CSNK1D: variants seen among roughly 807,000 people sequenced by gnomAD.
CSNK1D encodes the protein casein kinase I isoform delta.
Under a neutral mutation model 46.6 loss-of-function variants are expected in CSNK1D, and 16 were observed. That is an observed-to-expected ratio of 0.34 (90% CI 0.23 to 0.52). CSNK1D has a LOEUF of 0.52. CSNK1D is among the 20% of genes least tolerant of loss of function. The pLI is 0.95. For synonymous variants in CSNK1D, 276 were observed against 228.2 expected (o/e 1.21, Z -1.89); for missense variants, 398 against 578.4 (o/e 0.69, Z 3.20).
rs775170760 is a variant in CSNK1D at position 82,243,335 on chromosome 17, G to C, written c.*1446C>G. The C allele has an allele frequency of 7.1e-6, 7 of 985,392 alleles. No individual in the cohort carries two copies. In the African/African-American group the frequency reaches 1.0e-4, roughly 15 times the overall value. 61.0% of individuals were successfully genotyped at this position (985,392 alleles called of 1,614,324 possible). A position where few individuals can be genotyped will look rare whatever the true frequency, so the allele number is the denominator to read the frequency against. On this transcript the variant is annotated 3_prime_UTR_variant, in exon 9 of 9. Transcript: ENST00000314028. The stretch of plus-strand genomic sequence containing the variant: ...TCGTCCATCGTGATGGGGTCCAGCC[G>C]AAGTGCCCACGAACACAGACTGCCC...
At chr17:82,246,702 C>T (rs1415632900) in intron 8 of CSNK1D, 1 of 992,948 alleles carries the variant, frequency 1.0e-6, no homozygotes, top group Non-Finnish European at 1.2e-6. Flanking sequence ...GTCTTCCACC[C>T]ATCCACACCC....
chr17:82,270,943 G>A (rs1478900834), intron 1 of CSNK1D, among the ~76,000 whole-genome samples: 1 of 152,160 alleles, frequency 6.6e-6, no homozygotes, highest in African/African-American at 2.4e-5. Context: ...TGAGTGAGGA[G>A]ACAGCCTTCC....
At position 82,251,406 on chromosome 17, in the gene CSNK1D, G is replaced by A. The variant is rs56181605; in HGVS notation, c.858C>T (p.Tyr286=). The change falls in exon 6 of 9, where the codon TAC becomes TAT. Residue 286 remains tyrosine (Y), a synonymous_variant. Transcript: ENST00000314028. This position sits in a 1 kb window ranked among gnomAD's most constrained non-coding sequence, Gnocchi z 4.5. Reference sequence around the variant, plus strand: ...ATTTGAGCATGTTCCAGTCGAACACGTAGTCATAGGAGAAGCCCTGGCGAT... The same window carrying A: ...ATTTGAGCATGTTCCAGTCGAACACATAGTCATAGGAGAAGCCCTGGCGAT... ...LFHRQGFSYD[Y]VFDWNMLKFG... The A allele has an allele frequency of 0.012, 19,935 of 1,614,106 alleles. 173 individuals carry two copies. The highest frequency in any genetic ancestry group is 0.015 in the Middle Eastern group (91 of 6,060).
At chr17:82,271,335 G>A (rs2147231559) in intron 1 of CSNK1D, among the ~76,000 whole-genome samples, 1 of 152,304 alleles carries the variant, frequency 6.6e-6, no homozygotes, top group South Asian at 2.1e-4. Context: ...TTCCCAAAGT[G>A]CTGGGATTAC....
chr17:82,244,865 T>A, intron 8 of CSNK1D, 34 bp from the exon 9 acceptor site: 1 of 1,613,128 alleles, frequency 6.2e-7, no homozygotes, highest in South Asian at 1.1e-5. Flanking sequence ...AAGGTCAGCA[T>A]GGGGCTGGGG....
rs761851591 is a variant in CSNK1D at position 82,247,644 on chromosome 17, C to G, written c.1197+1231G>C. ...CGGGAACTGCTCACAGGAACTGATG[C>G]GCAAGTGCCAGGCTCGTGGAAAGAA... On this transcript the variant is annotated intron_variant, in intron 8 of 8. Coordinates refer to ENST00000314028, the MANE Select transcript of CSNK1D (RefSeq NM_001893.6). 6 of 985,436 alleles carry G rather than the reference C, an allele frequency of 6.1e-6. No individual in the cohort carries two copies. In the East Asian group the frequency reaches 5.7e-4, roughly 93 times the overall value. The allele number at this position is 985,436 out of a possible 1,614,324, so 61.0% of individuals were successfully genotyped here.
intron 2 of CSNK1D, among the ~76,000 whole-genome samples, chr17:82,260,137 T>C (rs1468854520): frequency 1.3e-5 from 2 of 148,626 alleles, no homozygotes; most frequent in Admixed American, 6.7e-5. Flanking sequence ...GATGGTGTAC[T>C]GAGTGATGTG....
intron 8 of CSNK1D, chr17:82,245,589 G>T: frequency 3.1e-6 from 1 of 323,372 alleles, no homozygotes; most frequent in Non-Finnish European, 6.0e-6. Flanking sequence ...GCAGGACACA[G>T]ACGCCCCTCC....
downstream of CSNK1D, among the ~76,000 whole-genome samples, chr17:82,242,174 C>A (rs1346677206): frequency 6.6e-6 from 1 of 151,112 alleles, no homozygotes; most frequent in Admixed American, 6.6e-5. Flanking sequence ...GCCTGACAGC[C>A]CCCGCAGGCC....
At chr17:82,265,623 G>A in intron 2 of CSNK1D, 63 bp downstream of exon 2, 2 of 1,282,156 alleles carry the variant, frequency 1.6e-6, no homozygotes, top group South Asian at 1.2e-5. Context: ...CAGCAATGCT[G>A]AGTTGCTGTT....
chr17:82,248,465 A>C lies in CSNK1D; in HGVS notation c.1197+410T>G. ...CCCGTGGAGGTCCCTACGGGCCTCC[A>C]TCCCTGGCCAGTGGCAAGAATGAGG... On this transcript the variant is annotated intron_variant, in intron 8 of 8. Coordinates refer to ENST00000314028, the MANE Select transcript of CSNK1D (RefSeq NM_001893.6). This position sits in a 1 kb window ranked among gnomAD's most constrained non-coding sequence, Gnocchi z 4.1. 9.4e-7 allele frequency: 1 copy of C among 1,068,052 alleles called. No individual in the cohort carries two copies. Among genetic ancestry groups the C allele is most frequent in the Non-Finnish European group, 1.1e-6 (1 of 877,392 alleles). The allele number at this position is 1,068,052 out of a possible 1,614,324, so 66.2% of individuals were successfully genotyped here. A position where few individuals can be genotyped will look rare whatever the true frequency, so the allele number is the denominator to read the frequency against.
intron 8 of CSNK1D, chr17:82,245,844 G>A: frequency 1.1e-6 from 1 of 914,202 alleles, no homozygotes; most frequent in Non-Finnish European, 1.7e-6. Flanking sequence ...GAAGAACAGA[G>A]CAGAAGAAGC....
intron 2 of CSNK1D, among the ~76,000 whole-genome samples, chr17:82,259,192 T>G (rs2051262018): frequency 6.6e-6 from 1 of 152,262 alleles, no homozygotes; most frequent in Non-Finnish European, 1.5e-5. Context: ...TCTTAAAATT[T>G]ACCCCAGATA....
rs761141909 is a variant in CSNK1D, at chr17:82,249,819, C to A, written c.886-217G>T. On this transcript the variant is annotated intron_variant, in intron 6 of 8. Coordinates refer to ENST00000314028, the MANE Select transcript of CSNK1D (RefSeq NM_001893.6). The surrounding 1 kb of genome is among the most constrained non-coding windows in gnomAD (Gnocchi z 6.7). ...CAGGCCTCTCAGCTCCCCCAACAAT[C>A]GAAAAAACCCCACTCGCCATGGCAT... The A allele has an allele frequency of 5.6e-6, 8 of 1,433,006 alleles. No homozygotes were observed. The Admixed American group carries it at 8.5e-5, about 15-fold the overall frequency. 88.8% of individuals were successfully genotyped at this position (1,433,006 alleles called of 1,614,324 possible).
chr17:82,242,992 T>G lies in CSNK1D; in HGVS notation c.*1789A>C. 1.0e-6 allele frequency: 1 copy of G among 985,318 alleles called. No homozygotes were observed. Among genetic ancestry groups the G allele is most frequent in the Non-Finnish European group, 1.2e-6 (1 of 829,910 alleles). 61.0% of individuals were successfully genotyped at this position (985,318 alleles called of 1,614,324 possible). A position where few individuals can be genotyped will look rare whatever the true frequency, so the allele number is the denominator to read the frequency against. ...GGCCACAGCGCGACGTCTCTCCGGG[T>G]GGGGGACGTCTACCTTCAAGAAGGG... On this transcript the variant is annotated 3_prime_UTR_variant, in exon 9 of 9. Transcript: ENST00000314028.
intron 2 of CSNK1D, among the ~76,000 whole-genome samples, chr17:82,262,097 T>C (rs1180198059): frequency 6.6e-6 from 1 of 152,280 alleles, no homozygotes; most frequent in East Asian, 1.9e-4. Context: ...ACTAGGTGTC[T>C]ATCCAAATCT....
chr17:82,251,104 C>T lies in CSNK1D; in HGVS notation c.885+275G>A, dbSNP rs115493807. On this transcript the variant is annotated intron_variant, in intron 6 of 8. Coordinates refer to ENST00000314028, the MANE Select transcript of CSNK1D (RefSeq NM_001893.6). The surrounding 1 kb of genome is among the most constrained non-coding windows in gnomAD (Gnocchi z 4.5). ...CAGGGCATGCTCTGGGCCCTAGCTC[C>T]GCTTGGTGACAGGGAGGGAAGGGGC... 2,436 of 462,790 alleles carry T rather than the reference C, an allele frequency of 5.3e-3. 56 individuals carry two copies. Among genetic ancestry groups the T allele is most frequent in the African/African-American group, 0.044 (2,222 of 50,468 alleles). 28.7% of individuals were successfully genotyped at this position (462,790 alleles called of 1,614,324 possible).
chr17:82,256,104 C>T (rs894310311), intron 2 of CSNK1D, among the ~76,000 whole-genome samples: 23 of 152,156 alleles, frequency 1.5e-4, no homozygotes, highest in African/African-American at 5.3e-4. Context: ...TACACAGTAA[C>T]CCAGGATTGA....
At position 82,248,861 on chromosome 17, in the gene CSNK1D, A is replaced by G. The variant is rs1452840503; in HGVS notation, c.1197+14T>C. Reference sequence around the variant, plus strand: ...GCCCGAGGCCCAGCGCCCGCCCGGGAGCTCTGCACCTACCTGTGAGGTGGA... The same window carrying G: ...GCCCGAGGCCCAGCGCCCGCCCGGGGGCTCTGCACCTACCTGTGAGGTGGA... On this transcript the variant is annotated intron_variant, in intron 8 of 8. Coordinates refer to ENST00000314028, the MANE Select transcript of CSNK1D (RefSeq NM_001893.6). This position sits in a 1 kb window ranked among gnomAD's most constrained non-coding sequence, Gnocchi z 4.1. 4 of 1,606,926 alleles carry G rather than the reference A, an allele frequency of 2.5e-6. No homozygotes were observed. In the Admixed American group the frequency reaches 6.7e-5, roughly 27 times the overall value.
Sources: gnomAD v4.1 joint callset for allele counts (sites outside exome capture counted in the v4.1 genomes callset) on GRCh38, gnomAD v4.1.1 for gene constraint, Gnocchi (gnomAD v3.1) non-coding constraint, MANE v1.5 for transcripts, NCBI Gene and HGNC (gene_info 2026-07-23, HGNC 2026-07-21) for gene names.